The following TMEM63B variants were observed in gnomAD, a reference collection of about 807,000 sequenced individuals.
TMEM63B encodes mechanosensitive cation channel TMEM63B.
In TMEM63B, 23 loss-of-function variants were observed where a neutral mutation model predicts 102.6. The ratio of observed to expected loss-of-function variants is 0.22; its 90% CI spans 0.16 to 0.32. The LOEUF is 0.32. Among genes scored for constraint, TMEM63B ranks in the 10% least tolerant of loss-of-function variants. The probability of loss-of-function intolerance (pLI) is 1.00; values close to 1 mark genes in which losing one functional copy is unlikely to be tolerated. For missense variants in TMEM63B, 628 were observed against 1,095.9 expected (o/e 0.57, Z 6.03); for synonymous variants, 444 against 437.0 (o/e 1.02, Z -0.20).
At chr6:44,135,201 G>A in intron 3 of TMEM63B, 105 bp downstream of exon 3, 1 of 1,568,184 alleles carries the variant, frequency 6.4e-7, no homozygotes, top group Non-Finnish European at 8.7e-7. Flanking sequence ...TTTGCTGGGG[G>A]GATGAGAAGG....
chr6:44,138,778 G>C lies in TMEM63B; in HGVS notation c.407+261G>C, dbSNP rs1012357485. 6.3e-5 allele frequency: 25 copies of C among 396,076 alleles called. 1 individual carries two copies. The highest frequency in any genetic ancestry group is 4.7e-6 in the Non-Finnish European group (1 of 213,820). The allele number at this position is 396,076 out of a possible 1,614,324, so 24.5% of individuals were successfully genotyped here. On this transcript the variant is annotated intron_variant, in intron 6 of 23. Transcript: ENST00000323267. ...CCTGCCCTGCCCCACCTTGAGGGAG[G>C]GGGTGGAGCCCCTGCCTCAACCTCT...
rs1422776158 is a variant in TMEM63B at position 44,154,736 on chromosome 6, T to TGGGGATGGGGCTCCTGGGAGCTCA, written c.2360_2383dup (p.Gly787_Asp794dup). The TGGGGATGGGGCTCCTGGGAGCTCA allele has an allele frequency of 1.3e-6, 2 of 1,586,758 alleles. No individual in the cohort carries two copies. Among genetic ancestry groups the TGGGGATGGGGCTCCTGGGAGCTCA allele is most frequent in the Admixed American group, 3.7e-5 (2 of 54,448 alleles). On this transcript the variant is annotated inframe_insertion, in exon 24 of 24. Transcript: ENST00000323267. ...TGCAGGACTCAGAGGTGGACGGGGA[T>TGGGGATGGGGCTCCTGGGAGCTCA]GGGGATGGGGCTCCTGGGAGCTCAG...
chr6:44,149,025 C>T, intron 15 of TMEM63B, 80 bp downstream of exon 15: 1 of 1,602,934 alleles, frequency 6.2e-7, no homozygotes, highest in African/African-American at 1.3e-5. Context: ...TTCCACTTGC[C>T]CAGCCCAGCC....
In TMEM63B at chr6:44,138,740, C is replaced by T. The variant is rs567889313; in HGVS notation, c.407+223C>T. 179 of 401,528 alleles carry T rather than the reference C, an allele frequency of 4.5e-4. 15 individuals are homozygous for T. The East Asian group carries it at 6.8e-3, about 15-fold the overall frequency. 24.9% of individuals were successfully genotyped at this position (401,528 alleles called of 1,614,324 possible). On this transcript the variant is annotated intron_variant, in intron 6 of 23. Coordinates refer to ENST00000323267, the MANE Select transcript of TMEM63B (RefSeq NM_018426.3). The stretch of plus-strand genomic sequence containing the variant: ...CTCCTCTGTGACCCCCTGCCGGCCC[C>T]CCCGCTTCTCTCCCTGCCCTGCCCC...
intron 1 of TMEM63B, among the ~76,000 whole-genome samples, chr6:44,130,218 G>A (rs1778001045): frequency 6.6e-6 from 1 of 152,190 alleles, no homozygotes; most frequent in Admixed American, 6.5e-5. Flanking sequence ...ACTCGAGCCA[G>A]GCAGCCTGGG....
intron 5 of TMEM63B, among the ~76,000 whole-genome samples, chr6:44,136,808 A>T (rs1562118878): frequency 6.6e-6 from 1 of 152,260 alleles, no homozygotes; most frequent in African/African-American, 2.4e-5. Context: ...GCACTTTGGG[A>T]GGCCGAGGCG....
At chr6:44,137,545 C>T (rs1245433972) in intron 5 of TMEM63B, among the ~76,000 whole-genome samples, 2 of 152,204 alleles carry the variant, frequency 1.3e-5, no homozygotes, top group African/African-American at 2.4e-5. Context: ...TCCTGAATCA[C>T]GGCCGAAAGG....
chr6:44,134,421 C>T, intron 1 of TMEM63B, 140 bp from the exon 2 acceptor site: 1 of 807,620 alleles, frequency 1.2e-6, no homozygotes, highest in Non-Finnish European at 1.9e-6. Flanking sequence ...CCTCCCTAGG[C>T]CCTTATCTCC....
rs1273380054 is a variant in TMEM63B at position 44,152,486 on chromosome 6, T to C, written c.1837-107T>C. 1 of 836,046 alleles carries C rather than the reference T, an allele frequency of 1.2e-6. No individual in the cohort carries two copies. The allele number at this position is 836,046 out of a possible 1,614,324, so 51.8% of individuals were successfully genotyped here. A position where few individuals can be genotyped will look rare whatever the true frequency, so the allele number is the denominator to read the frequency against. On this transcript the variant is annotated intron_variant, in intron 19 of 23. Transcript: ENST00000323267. The surrounding 1 kb of genome is among the most constrained non-coding windows in gnomAD (Gnocchi z 6.4). ...ACATTAGGTCCTGTTCCCCATGGCTTCTTTTCCGGCCCCAGAGGTCCTGGC... is the reference window on the plus strand; with the variant it reads ...ACATTAGGTCCTGTTCCCCATGGCTCCTTTTCCGGCCCCAGAGGTCCTGGC...
chr6:44,149,137 C>T (rs548586944), intron 15 of TMEM63B, 192 bp downstream of exon 15: 1 of 737,600 alleles, frequency 1.4e-6, no homozygotes, highest in Admixed American at 2.4e-5. Flanking sequence ...AGAGGCCACC[C>T]TCAGGTGTGC....
intron 10 of TMEM63B, among the ~76,000 whole-genome samples, chr6:44,141,617 G>A (rs1764277847): frequency 6.6e-6 from 1 of 152,164 alleles, no homozygotes; most frequent in African/African-American, 2.4e-5. Context: ...GAGGCAAAGA[G>A]GGAACTTACC....
chr6:44,139,434 C>A (rs1445100622), intron 6 of TMEM63B, 33 bp from the exon 7 acceptor site: 3 of 1,611,996 alleles, frequency 1.9e-6, no homozygotes, highest in African/African-American at 2.7e-5. Context: ...CTGGTCCTAA[C>A]CTAATTCCTT....
intron 10 of TMEM63B, among the ~76,000 whole-genome samples, chr6:44,142,389 G>T (rs1764469500): frequency 6.6e-6 from 1 of 151,868 alleles, no homozygotes; most frequent in South Asian, 2.1e-4. Context: ...AATTAGCCAG[G>T]CATGGTGGCG....
chr6:44,148,971 T>G lies in TMEM63B; in HGVS notation c.1413+26T>G, dbSNP rs745512077. 3 of 1,614,006 alleles carry G rather than the reference T, an allele frequency of 1.9e-6. No homozygotes were observed. In the Admixed American group the frequency reaches 5.0e-5, roughly 27 times the overall value. On this transcript the variant is annotated intron_variant, in intron 15 of 23. Coordinates refer to ENST00000323267, the MANE Select transcript of TMEM63B (RefSeq NM_018426.3). This position sits in a 1 kb window ranked among gnomAD's most constrained non-coding sequence, Gnocchi z 5.1. The stretch of plus-strand genomic sequence containing the variant: ...GTGAGGCCTCATGCCCCTGTCACTT[T>G]CCACGCTGGGTCACAACACACAGAT...
intron 6 of TMEM63B, 120 bp downstream of exon 6, chr6:44,138,637 C>T: frequency 8.5e-7 from 1 of 1,174,094 alleles, no homozygotes; most frequent in Non-Finnish European, 1.3e-6. Context: ...GCACAGCACC[C>T]TCCTCCCTGC....
At chr6:44,130,142 G>A (rs1264387200) in intron 1 of TMEM63B, among the ~76,000 whole-genome samples, 6 of 152,162 alleles carry the variant, frequency 3.9e-5, no homozygotes, top group Non-Finnish European at 1.5e-5. Flanking sequence ...GACTGCCTCC[G>A]GCTCCCTGGT....
chr6:44,152,733 C>CG lies in TMEM63B; in HGVS notation c.1942+41dup, dbSNP rs780194463. 9.9e-5 allele frequency: 153 copies of CG among 1,544,070 alleles called. No homozygotes were observed. The highest frequency in any genetic ancestry group is 1.3e-4 in the Non-Finnish European group (144 of 1,127,808). On this transcript the variant is annotated intron_variant, in intron 20 of 23. Coordinates refer to ENST00000323267, the MANE Select transcript of TMEM63B (RefSeq NM_018426.3). The surrounding 1 kb of genome is among the most constrained non-coding windows in gnomAD (Gnocchi z 6.4). The stretch of plus-strand genomic sequence containing the variant: ...GCCGCGCCGGGACCTGGGCCCTGCT[C>CG]GGGGGGACCCAGGACTTCACCCTCT...
rs1036745126 is a variant in TMEM63B at position 44,153,871 on chromosome 6, G to T, written c.2110+28G>T. 3.1e-6 allele frequency: 5 copies of T among 1,604,628 alleles called. No homozygotes were observed. In the African/African-American group the frequency reaches 5.3e-5, roughly 17 times the overall value. On this transcript the variant is annotated intron_variant, in intron 21 of 23. Coordinates refer to ENST00000323267, the MANE Select transcript of TMEM63B (RefSeq NM_018426.3). The stretch of plus-strand genomic sequence containing the variant: ...GAGGGATCCCTACCCAGGGAACGGG[G>T]GGTGGCGAGCAGAGTGGATTCCAGC...
rs1765802062 is a variant in TMEM63B at position 44,148,106 on chromosome 6, G to C, written c.988-146G>C. 3.2e-6 allele frequency: 4 copies of C among 1,242,310 alleles called. No homozygotes were observed. The highest frequency in any genetic ancestry group is 1.5e-5 in the African/African-American group (1 of 66,112). The allele number at this position is 1,242,310 out of a possible 1,614,324, so 77.0% of individuals were successfully genotyped here. On this transcript the variant is annotated intron_variant, in intron 12 of 23. Transcript: ENST00000323267. The surrounding 1 kb of genome is among the most constrained non-coding windows in gnomAD (Gnocchi z 5.1). ...CCACTACACTCCAGCCTGGGCATCA[G>C]AGCGAGACGCTGTTTCCAAAAAAAA...
Sources: allele counts gnomAD v4.1 joint callset (sites outside exome capture counted in the v4.1 genomes callset), GRCh38; gene constraint gnomAD v4.1.1; non-coding constraint Gnocchi (gnomAD v3.1); transcripts MANE v1.5; gene names NCBI Gene and HGNC (gene_info 2026-07-23, HGNC 2026-07-21).